Variants in ANKMY1 observed in about 807,000 individuals in gnomAD.
ANKMY1 encodes ankyrin repeat and MYND domain-containing protein 1.
Under a neutral mutation model 102.0 loss-of-function variants are expected in ANKMY1, and 98 were observed. The observed-to-expected ratio is 0.96, with a 90% confidence interval of 0.82 to 1.14. The LOEUF (loss-of-function observed/expected upper bound fraction) is 1.14, where lower values mean the gene tolerates loss of function less well. Ranked by LOEUF, ANKMY1 falls within the 50% of genes most tolerant of loss-of-function variation. The pLI, the probability that ANKMY1 is intolerant of heterozygous loss-of-function variation, is 0.00. For missense variants in ANKMY1, 1,330 were observed against 1,347.6 expected (o/e 0.99, Z 0.20); for synonymous variants, 582 against 559.9 (o/e 1.04, Z -0.56).
downstream of ANKMY1, among the ~76,000 whole-genome samples, chr2:240,478,841 TC>T (rs937168722): frequency 1.3e-5 from 2 of 151,068 alleles, no homozygotes; most frequent in Non-Finnish European, 3.0e-5. Flanking sequence ...CCCCCCACAC[TC>T]CCAGCTATTC....
At chr2:240,560,777 GC>G (rs1027945442), upstream of ANKMY1, 1 of 1,454,960 alleles carries the variant, frequency 6.9e-7, no homozygotes, top group African/African-American at 1.5e-5. Context: ...TCGGGAGCGC[GC>G]GAGCCGCGGG....
intron 2 of ANKMY1, among the ~76,000 whole-genome samples, chr2:240,556,350 A>G (rs1334904275): frequency 6.6e-6 from 1 of 152,192 alleles, no homozygotes; most frequent in African/African-American, 2.4e-5. Flanking sequence ...TCTTATCTGT[A>G]AACACTGTGT....
chr2:240,511,770 G>A, intron 11 of ANKMY1, 91 bp downstream of exon 11: 1 of 1,445,290 alleles, frequency 6.9e-7, no homozygotes, highest in Non-Finnish European at 9.1e-7. Context: ...GACTCAGCAT[G>A]AGAACACATG....
intron 15 of ANKMY1, among the ~76,000 whole-genome samples, chr2:240,496,352 T>TTAGA (rs55671912): frequency 9.3e-4 from 137 of 147,526 alleles, no homozygotes; most frequent in African/African-American, 1.5e-3. Context: ...GGTACTCTAA[T>TTAGA]TAGATAGATA....
chr2:240,469,001 G>A, the ANKMY1 span, among the ~76,000 whole-genome samples: 14 of 152,340 alleles, frequency 9.2e-5, no homozygotes, highest in Middle Eastern at 3.4e-3. Context: ...GGAAATGAGG[G>A]TGGGGTGGAG....
At chr2:240,545,716 G>A (rs955852232) in intron 4 of ANKMY1, among the ~76,000 whole-genome samples, 1 of 152,166 alleles carries the variant, frequency 6.6e-6, no homozygotes, top group Admixed American at 6.5e-5. Context: ...GAAGAATGCA[G>A]AAGCCTCAGG....
chr2:240,541,637 G>A, intron 4 of ANKMY1, among the ~76,000 whole-genome samples: 1 of 151,686 alleles, frequency 6.6e-6, no homozygotes, highest in South Asian at 2.1e-4. Context: ...AGAGTAGCTG[G>A]GACTACAGGT....
At chr2:240,525,531 G>A (rs1266482622) in intron 7 of ANKMY1, among the ~76,000 whole-genome samples, 154 bp downstream of exon 7, 1 of 152,178 alleles carries the variant, frequency 6.6e-6, no homozygotes, top group African/African-American at 2.4e-5. Flanking sequence ...CTTAGGGGAT[G>A]CCCAGGCTCT....
At chr2:240,532,969 A>C (rs2085802393) in intron 4 of ANKMY1, among the ~76,000 whole-genome samples, 1 of 152,220 alleles carries the variant, frequency 6.6e-6, no homozygotes, top group South Asian at 2.1e-4. Context: ...TGGCCTTCCA[A>C]AGTATTAGGA....
Position 240,500,492 on chromosome 2 carries a change from A to C in ANKMY1, c.2600T>G (p.Val867Gly), listed in dbSNP as rs747411915. The change falls in exon 14 of 18, where the codon GTG (valine) becomes GGG (glycine). Residue 867 changes from valine (V) to glycine (G), a missense_variant. By Grantham distance (109) the Val-to-Gly change is moderately radical. Coordinates refer to ENST00000401804, the MANE Select transcript of ANKMY1 (RefSeq NM_001282771.3). ...VMLRQGEKEA[V>G]GTAVDYGYFR... Reference sequence around the variant, plus strand: ...GTAGCCATAGTCCACGGCTGTGCCCACTGCCTCCTTTTCTCCCTGCCTGAG... The same window carrying C: ...GTAGCCATAGTCCACGGCTGTGCCCCCTGCCTCCTTTTCTCCCTGCCTGAG... 6.2e-7 allele frequency: 1 copy of C among 1,614,148 alleles called. No homozygotes were observed. The highest frequency in any genetic ancestry group is 8.5e-7 in the Non-Finnish European group (1 of 1,180,010).
At chr2:240,512,374 C>T (rs1306403458) in intron 10 of ANKMY1, among the ~76,000 whole-genome samples, 1 of 152,240 alleles carries the variant, frequency 6.6e-6, no homozygotes, top group Non-Finnish European at 1.5e-5. Flanking sequence ...GAAGACATGG[C>T]CTTGCGGCCC....
intron 4 of ANKMY1, among the ~76,000 whole-genome samples, chr2:240,547,364 C>T (rs376918087): frequency 1.3e-5 from 2 of 151,178 alleles, no homozygotes; most frequent in South Asian, 2.1e-4. Flanking sequence ...TTCAAAGCAG[C>T]GTGTAGAGGG....
upstream of ANKMY1, chr2:240,560,786 G>GGGCGCGGAGGAGCAGCT (rs2092918299): frequency 6.9e-6 from 10 of 1,457,452 alleles, no homozygotes; most frequent in South Asian, 1.2e-4. Context: ...CGCGAGCCGC[G>GGGCGCGGAGGAGCAGCT]GGCGCGGAGG....
rs112223821 is a variant in ANKMY1, at chr2:240,529,607, T to C, written c.481-98A>G. On this transcript the variant is annotated intron_variant, in intron 4 of 17. Transcript: ENST00000401804. The surrounding 1 kb of genome is among the most constrained non-coding windows in gnomAD (Gnocchi z 4.2). ...CAAAAGAAATCCCAAAAAAGAAAACTTTCCCAAGAAATGCATGCATTCAGC... is the reference window on the plus strand; with the variant it reads ...CAAAAGAAATCCCAAAAAAGAAAACCTTCCCAAGAAATGCATGCATTCAGC... 717 of 1,241,174 alleles carry C rather than the reference T, an allele frequency of 5.8e-4. 3 individuals carry two copies. The African/African-American group carries it at 9.8e-3, about 17-fold the overall frequency. The allele number at this position is 1,241,174 out of a possible 1,614,324, so 76.9% of individuals were successfully genotyped here.
Position 240,557,345 on chromosome 2 carries a change from C to A in ANKMY1, c.-10G>T. The stretch of plus-strand genomic sequence containing the variant: ...CATGGGCCCCTTCCATGTCTGTGGT[C>A]TTCCAACCTGCAAGCGACGTCAGGA... On this transcript the variant is annotated 5_prime_UTR_variant, in exon 2 of 18. Coordinates refer to ENST00000401804, the MANE Select transcript of ANKMY1 (RefSeq NM_001282771.3). The A allele has an allele frequency of 3.3e-6, 5 of 1,523,134 alleles. No individual in the cohort carries two copies. The highest frequency in any genetic ancestry group is 4.4e-6 in the Non-Finnish European group (5 of 1,129,164). 94.4% of individuals were successfully genotyped at this position (1,523,134 alleles called of 1,614,324 possible). A position where few individuals can be genotyped will look rare whatever the true frequency, so the allele number is the denominator to read the frequency against.
chr2:240,484,219 C>G (rs1015405385), intron 15 of ANKMY1, among the ~76,000 whole-genome samples: 2 of 152,226 alleles, frequency 1.3e-5, no homozygotes, highest in Admixed American at 6.5e-5. Flanking sequence ...ATTGCTGGGT[C>G]AAAAGGTAGA....
Position 240,524,184 on chromosome 2 carries a change from C to A in ANKMY1, c.1533G>T (p.Gly511=), listed in dbSNP as rs368977587. ...GHFQDTGQCG[G]SIDHRSSSLK... is the part of the protein sequence containing the mutation. The stretch of plus-strand genomic sequence containing the variant: ...GAGAGCTGCTCCTGTGGTCTATGGA[C>A]CCCCCACACTGCCCGGTGTCCTGGA... Residue 511 remains glycine (G), a synonymous_variant, in exon 8 of 18, where the codon GGG becomes GGT. Coordinates refer to ENST00000401804, the MANE Select transcript of ANKMY1 (RefSeq NM_001282771.3). 71 of 1,613,144 alleles carry A rather than the reference C, an allele frequency of 4.4e-5. 1 individual carries two copies. The South Asian group carries it at 6.3e-4, about 14-fold the overall frequency.
Position 240,499,830 on chromosome 2 carries a change from G to A in ANKMY1, c.2806+128C>T, listed in dbSNP as rs542810121. 3.0e-5 allele frequency: 37 copies of A among 1,249,722 alleles called. No individual in the cohort carries two copies. The highest frequency in any genetic ancestry group is 2.3e-4 in the South Asian group (14 of 61,640). The allele number at this position is 1,249,722 out of a possible 1,614,324, so 77.4% of individuals were successfully genotyped here. On this transcript the variant is annotated intron_variant, in intron 15 of 17. Transcript: ENST00000401804. This position sits in a 1 kb window ranked among gnomAD's most constrained non-coding sequence, Gnocchi z 4.2. ...CGACGGGACACAAAGGGGACAAGCC[G>A]ACGAGCCCAGCCCCAGGAAGGCCCC...
intron 4 of ANKMY1, among the ~76,000 whole-genome samples, chr2:240,537,790 G>C (rs1337287226): frequency 6.6e-6 from 1 of 152,252 alleles, no homozygotes; most frequent in Non-Finnish European, 1.5e-5. Flanking sequence ...ACCACAACAA[G>C]TGGAGGTGTA....
Sources: gnomAD v4.1 joint callset for allele counts (sites outside exome capture counted in the v4.1 genomes callset) on GRCh38, gnomAD v4.1.1 for gene constraint, Gnocchi (gnomAD v3.1) non-coding constraint, MANE v1.5 for transcripts, NCBI Gene and HGNC (gene_info 2026-07-23, HGNC 2026-07-21) for gene names.